Variants in RHOT2 observed in about 807,000 individuals in gnomAD.
RHOT2 encodes the protein mitochondrial Rho GTPase 2.
Under a neutral mutation model 81.6 loss-of-function variants are expected in RHOT2, and 90 were observed. The ratio of observed to expected loss-of-function variants is 1.10; its 90% CI spans 0.93 to 1.31. RHOT2 has a LOEUF of 1.31. Ranked by LOEUF, RHOT2 falls within the 40% of genes most tolerant of loss-of-function variation. RHOT2 has a pLI of 0.00. For synonymous variants in RHOT2, 512 were observed against 370.9 expected (o/e 1.38, Z -4.37); for missense variants, 1,014 against 841.9 (o/e 1.20, Z -2.53).
In RHOT2 at chr16:673,943, T is replaced by C; in HGVS notation, c.*337T>C. 1.9e-6 allele frequency: 1 copy of C among 526,566 alleles called. No homozygotes were observed. Among genetic ancestry groups the C allele is most frequent in the Non-Finnish European group, 3.7e-6 (1 of 273,700 alleles). 32.6% of individuals were successfully genotyped at this position (526,566 alleles called of 1,614,324 possible). On this transcript the variant is annotated 3_prime_UTR_variant, in exon 19 of 19. Coordinates refer to ENST00000315082, the MANE Select transcript of RHOT2 (RefSeq NM_138769.3). Reference sequence around the variant, plus strand: ...GAGCTGGTGACCCCAGACCCAGAATTCTCAGGGCTCTACCCCCCTTTCCTG... The same window carrying C: ...GAGCTGGTGACCCCAGACCCAGAATCCTCAGGGCTCTACCCCCCTTTCCTG...
At chr16:669,336 A>G in intron 4 of RHOT2, 1 of 595,416 alleles carries the variant, frequency 1.7e-6, no homozygotes, top group African/African-American at 1.9e-5. Flanking sequence ...AGGGTTCAGC[A>G]GCAGCTCCCA....
In RHOT2 at chr16:672,099, G is replaced by A; in HGVS notation, c.1113G>A (p.Leu371=). ...CCACCCCCAGCCTGGTGACCTACCT[G>A]GACGTCCGGAGCTGCCTTGGACACC... ...YLCQWTLVTY[L]DVRSCLGHLG... The change falls in exon 14 of 19, where the codon CTG becomes CTA. Residue 371 remains leucine, a synonymous_variant. Transcript: ENST00000315082. 1 of 1,611,678 alleles carries A rather than the reference G, an allele frequency of 6.2e-7. No homozygotes were observed. Among genetic ancestry groups the A allele is most frequent in the Non-Finnish European group, 8.5e-7 (1 of 1,179,796 alleles).
Position 668,182 on chromosome 16 carries a change from C to T in RHOT2, c.-18C>T, listed in dbSNP as rs759151467. On this transcript the variant is annotated 5_prime_UTR_variant, in exon 1 of 19. Transcript: ENST00000315082. The stretch of plus-strand genomic sequence containing the variant: ...CGGGGCCGGGTTCCGGGTCGGGGAG[C>T]GGCTCCGGGCGGCAGCTATGAGGCG... 3 of 462,196 alleles carry T rather than the reference C, an allele frequency of 6.5e-6. No individual in the cohort carries two copies. Among genetic ancestry groups the T allele is most frequent in the Admixed American group, 4.1e-5 (1 of 24,186 alleles). The allele number at this position is 462,196 out of a possible 1,614,324, so 28.6% of individuals were successfully genotyped here. A position where few individuals can be genotyped will look rare whatever the true frequency, so the allele number is the denominator to read the frequency against.
At chr16:668,980 G>A (rs1361464473) in intron 4 of RHOT2, 4 of 517,426 alleles carry the variant, frequency 7.7e-6, no homozygotes, top group East Asian at 6.8e-5. Context: ...GGCTCTGTGT[G>A]CGCCACGTCC....
At chr16:672,424 G>C in intron 15 of RHOT2, 40 bp downstream of exon 15, 1 of 1,607,426 alleles carries the variant, frequency 6.2e-7, no homozygotes, top group Non-Finnish European at 8.5e-7. Context: ...AGGGGCTCCA[G>C]GGGCAGGGCA....
rs758887323 is a variant in RHOT2, at chr16:668,249, C to T, written c.37+13C>T. The stretch of plus-strand genomic sequence containing the variant: ...TTACTGGGCGAGGGTAGGCGCCGGC[C>T]CGGGGGTCTCGGAGCTGCGGCGGCC... On this transcript the variant is annotated intron_variant, in intron 1 of 18. Transcript: ENST00000315082. The T allele has an allele frequency of 1.7e-5, 13 of 779,148 alleles. No homozygotes were observed. Among genetic ancestry groups the T allele is most frequent in the Non-Finnish European group, 2.4e-5 (13 of 541,006 alleles). 48.3% of individuals were successfully genotyped at this position (779,148 alleles called of 1,614,324 possible). A position where few individuals can be genotyped will look rare whatever the true frequency, so the allele number is the denominator to read the frequency against.
At position 669,538 on chromosome 16, in the gene RHOT2, T is replaced by C. The variant is rs1198124074; in HGVS notation, c.223-15T>C. ...CAGCAGCCCTGTCACCCACACCTCA[T>C]CACTGTTCCCTCAGGCAAACGTGGT... On this transcript the variant is annotated splice_polypyrimidine_tract_variant and intron_variant, in intron 4 of 18. Transcript: ENST00000315082. 1 of 1,611,142 alleles carries C rather than the reference T, an allele frequency of 6.2e-7. No homozygotes were observed. The highest frequency in any genetic ancestry group is 1.3e-5 in the African/African-American group (1 of 75,008).
rs751665528 is a variant in RHOT2, at chr16:672,146, C to T, written c.1160C>T (p.Thr387Ile). 1.2e-5 allele frequency: 19 copies of T among 1,612,628 alleles called. No individual in the cohort carries two copies. The highest frequency in any genetic ancestry group is 4.5e-5 in the East Asian group (2 of 44,878). ...CACCTAGGCTACCTGGGCTACCCCA[C>T]CCTCTGTGAGCAGGACCAGGCCCAT... is the stretch of plus-strand genomic sequence containing the variant. The part of the protein sequence containing the change: ...LGHLGYLGYP[T>I]LCEQDQAHAI... The change falls in exon 14 of 19, where the codon ACC becomes ATC. Residue 387 changes from threonine (T) to isoleucine (I), a missense_variant. By Grantham distance (89) the Thr-to-Ile change is moderately conservative. Transcript: ENST00000315082.
intron 18 of RHOT2, 74 bp downstream of exon 18, chr16:673,204 G>A: frequency 6.7e-7 from 1 of 1,491,148 alleles, no homozygotes; most frequent in Non-Finnish European, 9.2e-7. Flanking sequence ...GTGGTGTCAG[G>A]CCTGGAACTG....
intron 12 of RHOT2, 29 bp downstream of exon 12, chr16:671,810 G>GGCCCCGCC: frequency 3.8e-6 from 6 of 1,586,216 alleles, no homozygotes; most frequent in Middle Eastern, 1.7e-4. Context: ...CCCTGCCCCT[G>GGCCCCGCC]CCCCCGCCCC....
At chr16:670,634 G>A (rs759333011) in intron 8 of RHOT2, 41 bp from the exon 9 acceptor site, 53 of 1,605,084 alleles carry the variant, frequency 3.3e-5, no homozygotes, top group Admixed American at 2.2e-4. Flanking sequence ...GTGGCAGGTC[G>A]GCGTGGGTCA....
At position 672,075 on chromosome 16, in the gene RHOT2, C is replaced by T; in HGVS notation, c.1098-9C>T. 1 of 1,612,492 alleles carries T rather than the reference C, an allele frequency of 6.2e-7. No homozygotes were observed. The highest frequency in any genetic ancestry group is 8.5e-7 in the Non-Finnish European group (1 of 1,179,852). On this transcript the variant is annotated splice_polypyrimidine_tract_variant and intron_variant, in intron 13 of 18. Transcript: ENST00000315082. Reference sequence around the variant, plus strand: ...CATAACACTGTGCCTGCCTCCCGCCCACCCCCAGCCTGGTGACCTACCTGG... The same window carrying T: ...CATAACACTGTGCCTGCCTCCCGCCTACCCCCAGCCTGGTGACCTACCTGG...
chr16:668,306 G>A, intron 1 of RHOT2, 47 bp from the exon 2 acceptor site: 1 of 1,310,008 alleles, frequency 7.6e-7, no homozygotes, highest in Non-Finnish European at 9.7e-7. Context: ...GGGGGTCGGG[G>A]GGCGCCGTGA....
rs778312491 is a variant in RHOT2 at position 671,797 on chromosome 16, G to GCCCCC, written c.954+16_954+17insCCCCC. ...GCACGACCAGGTGAGAGCATGGCGA[G>GCCCCC]TCCCCTGCCCCTGCCCCCGCCCCCT... On this transcript the variant is annotated intron_variant, in intron 12 of 18. Transcript: ENST00000315082. 1 of 1,548,886 alleles carries GCCCCC rather than the reference G, an allele frequency of 6.5e-7. No individual in the cohort carries two copies. Among genetic ancestry groups the GCCCCC allele is most frequent in the Non-Finnish European group, 8.7e-7 (1 of 1,146,232 alleles).
Position 671,686 on chromosome 16 carries a change from C to T in RHOT2, c.870-11C>T. 4 of 1,609,230 alleles carry T rather than the reference C, an allele frequency of 2.5e-6. No homozygotes were observed. Among genetic ancestry groups the T allele is most frequent in the African/African-American group, 1.3e-5 (1 of 74,952 alleles). ...CTCCTGGGAGCTAGACGGGCTGTGG[C>T]CTCCCTGCAGGATCCACGTGCCCCC... On this transcript the variant is annotated splice_polypyrimidine_tract_variant and intron_variant, in intron 11 of 18. Transcript: ENST00000315082.
At position 673,494 on chromosome 16, in the gene RHOT2, C is replaced by T. The variant is rs1268986929; in HGVS notation, c.1745C>T (p.Ala582Val). The change falls in exon 19 of 19, where the codon GCA becomes GTA. Residue 582 changes from alanine (A) to valine (V), a missense_variant. Ala to Val is a moderately conservative substitution (Grantham distance 64). Coordinates refer to ENST00000315082, the MANE Select transcript of RHOT2 (RefSeq NM_138769.3). ...TMAAFPHLVH[A>V]ELHPSSFWLR... ...CTCTCTTGCAGACATTTGGTCCACG[C>T]AGAGCTGCATCCCTCTTCCTTCTGG... 15 of 1,612,564 alleles carry T rather than the reference C, an allele frequency of 9.3e-6. No homozygotes were observed. The highest frequency in any genetic ancestry group is 1.3e-5 in the Non-Finnish European group (15 of 1,179,920).
Position 669,567 on chromosome 16 carries a change from T to C in RHOT2, c.237T>C (p.Cys79=). The change falls in exon 5 of 19, where the codon TGT becomes TGC. Residue 79 remains cysteine, a synonymous_variant. Transcript: ENST00000315082. The stretch of plus-strand genomic sequence containing the variant: ...TGTTCCCTCAGGCAAACGTGGTGTG[T>C]GTGGTGTATGACGTCTCTGAGGAGG... The part of the protein sequence containing the change: ...REEIHKANVV[C]VVYDVSEEAT... The C allele has an allele frequency of 6.2e-7, 1 of 1,612,110 alleles. No homozygotes were observed. Among genetic ancestry groups the C allele is most frequent in the Non-Finnish European group, 8.5e-7 (1 of 1,179,888 alleles).
chr16:670,970 G>C lies in RHOT2; in HGVS notation c.718G>C (p.Gly240Arg). The C allele has an allele frequency of 6.4e-7, 1 of 1,568,806 alleles. No homozygotes were observed. The highest frequency in any genetic ancestry group is 8.6e-7 in the Non-Finnish European group (1 of 1,156,554). ...KTVVCRNVAG[G>R]VREDRLTLDG... ...GGTGGTGTGCAGGAACGTGGCGGGC[G>C]GCGTGCGGGAGGACCGGCTGACCCT... The change falls in exon 10 of 19, where the codon GGC becomes CGC. Residue 240 changes from glycine to arginine, a missense_variant. By Grantham distance (125) the Gly-to-Arg change is moderately radical. Coordinates refer to ENST00000315082, the MANE Select transcript of RHOT2 (RefSeq NM_138769.3).
chr16:673,572 T>A lies in RHOT2; in HGVS notation c.1823T>A (p.Phe608Tyr), dbSNP rs1314616949. ...VGAAVAAVLS[F>Y]SLYRVLVKSQ ...GCCGCCGTGGCCGCAGTCCTCAGCT[T>A]CTCACTCTACAGGGTCCTGGTGAAG... The change falls in exon 19 of 19, where the codon TTC becomes TAC. Residue 608 changes from phenylalanine to tyrosine, a missense_variant. Transcript: ENST00000315082. The A allele has an allele frequency of 6.2e-7, 1 of 1,611,804 alleles. No individual in the cohort carries two copies. The highest frequency in any genetic ancestry group is 8.5e-7 in the Non-Finnish European group (1 of 1,179,858).
Sources: gnomAD v4.1 joint callset for allele counts on GRCh38, gnomAD v4.1.1 for gene constraint, MANE v1.5 for transcripts, NCBI Gene and HGNC (gene_info 2026-07-23, HGNC 2026-07-21) for gene names.